Variants in MDGA2 observed in about 807,000 individuals in gnomAD.
The protein encoded by MDGA2 is MAM domain-containing glycosylphosphatidylinositol anchor protein 2.
Under a neutral mutation model 117.8 loss-of-function variants are expected in MDGA2, and 40 were observed. The observed-to-expected ratio is 0.34, with a 90% CI of 0.26 to 0.44. The LOEUF (loss-of-function observed/expected upper bound fraction) is 0.44. MDGA2 is among the 20% of genes least tolerant of loss of function. MDGA2 has a pLI of 1.00. For synonymous variants in MDGA2, 452 were observed against 439.0 expected, an observed-to-expected ratio of 1.03 and a Z score of -0.37; for missense variants, 1,123 against 1,250.6, an observed-to-expected ratio of 0.90 and a Z score of 1.54.
intron 1 of MDGA2, among the ~76,000 whole-genome samples, chr14:47,387,451 C>T (rs1891787709): frequency 6.6e-6 from 1 of 152,114 alleles, no homozygotes; most frequent in Non-Finnish European, 1.5e-5. Context: ...GTGTTTTTCT[C>T]TCTGTCCTCA....
intron 9 of MDGA2, among the ~76,000 whole-genome samples, chr14:46,939,171 T>C (rs1346933391): frequency 6.6e-6 from 1 of 151,992 alleles, no homozygotes; most frequent in African/African-American, 2.4e-5. Context: ...AAATTACAGA[T>C]AGGAGGGATA....
chr14:47,646,659 T>C (rs556472911), intron 1 of MDGA2, among the ~76,000 whole-genome samples: 3 of 152,348 alleles, frequency 2.0e-5, no homozygotes, highest in East Asian at 1.9e-4. Flanking sequence ...ACTTGCCCAA[T>C]CATGAGCATA....
intron 1 of MDGA2, among the ~76,000 whole-genome samples, chr14:47,456,074 T>A (rs1185087590): frequency 1.3e-5 from 2 of 151,926 alleles, no homozygotes; most frequent in Non-Finnish European, 2.9e-5. Flanking sequence ...GAATGGGCTG[T>A]GAAAAAAATA....
In MDGA2 at chr14:47,169,587, T is replaced by G. The variant is rs980243305; in HGVS notation, c.596-25313A>C. ...AATTGTCAACATGGAAATAAACTACTACTTACATATGACAAAAAGTTTAAT... is the reference window on the plus strand; with the variant it reads ...AATTGTCAACATGGAAATAAACTACGACTTACATATGACAAAAAGTTTAAT... On this transcript the variant is annotated intron_variant, in intron 3 of 16. Transcript: ENST00000399232. Among the ~76,000 whole-genome samples the G allele has an allele frequency of 4.0e-4, 61 of 151,954 alleles. 1 individual carries two copies. The highest frequency in any genetic ancestry group is 1.4e-3 in the African/African-American group (60 of 41,434).
At chr14:47,207,002 T>G (rs1385928162) in intron 3 of MDGA2, among the ~76,000 whole-genome samples, 1 of 152,028 alleles carries the variant, frequency 6.6e-6, no homozygotes, top group Non-Finnish European at 1.5e-5. Context: ...AAATGCACAT[T>G]TTAAAAGAGA....
intron 1 of MDGA2, among the ~76,000 whole-genome samples, chr14:47,454,787 AG>A (rs1893314674): frequency 6.6e-6 from 1 of 152,202 alleles, no homozygotes; most frequent in African/African-American, 2.4e-5. Context: ...ATTTTCTTTC[AG>A]GATGTCTGCA....
At chr14:47,567,634 G>A (rs963390477) in intron 1 of MDGA2, among the ~76,000 whole-genome samples, 1 of 152,144 alleles carries the variant, frequency 6.6e-6, no homozygotes, top group Admixed American at 6.5e-5. Flanking sequence ...CTCTTCTGGG[G>A]TAGCTGCTAT....
At chr14:47,642,551 C>T (rs924477100) in intron 1 of MDGA2, among the ~76,000 whole-genome samples, 1 of 152,012 alleles carries the variant, frequency 6.6e-6, no homozygotes, top group African/African-American at 2.4e-5. Context: ...TATTGCTTGG[C>T]AAACACTGCT....
chr14:47,638,964 T>G (rs1392340674), intron 1 of MDGA2, among the ~76,000 whole-genome samples: 1 of 152,150 alleles, frequency 6.6e-6, no homozygotes, highest in African/African-American at 2.4e-5. Context: ...TACCAGACAT[T>G]CACATACATT....
At chr14:47,579,893 T>C (rs185685079) in intron 1 of MDGA2, among the ~76,000 whole-genome samples, 3 of 152,204 alleles carry the variant, frequency 2.0e-5, no homozygotes, top group Non-Finnish European at 2.9e-5. Context: ...ACTAAAACTA[T>C]TGGATACCCA....
intron 7 of MDGA2, chr14:47,059,006 T>C: frequency 2.8e-5 from 28 of 997,410 alleles, no homozygotes; most frequent in Non-Finnish European, 3.3e-5. Context: ...TCTTTGGGAG[T>C]GATAAAACAT....
chr14:46,941,466 AG>A (rs1353866605), intron 9 of MDGA2, among the ~76,000 whole-genome samples: 1 of 152,098 alleles, frequency 6.6e-6, no homozygotes, highest in Non-Finnish European at 1.5e-5. Flanking sequence ...TCTTAGTTTC[AG>A]GCATGCCCTT....
chr14:47,458,917 C>A (rs1214631972), intron 1 of MDGA2, among the ~76,000 whole-genome samples: 4 of 150,050 alleles, frequency 2.7e-5, no homozygotes, highest in Non-Finnish European at 4.4e-5. Flanking sequence ...CAATTTCCAG[C>A]AATGGCCAGA....
chr14:47,572,292 G>T (rs575545721), intron 1 of MDGA2, among the ~76,000 whole-genome samples: 1 of 152,072 alleles, frequency 6.6e-6, no homozygotes, highest in Non-Finnish European at 1.5e-5. Flanking sequence ...TATAAAAGCC[G>T]CTTGTATATT....
At chr14:46,936,425 T>C (rs980171798) in intron 9 of MDGA2, among the ~76,000 whole-genome samples, 1 of 152,154 alleles carries the variant, frequency 6.6e-6, no homozygotes, top group Non-Finnish European at 1.5e-5. Flanking sequence ...TATTGGTACA[T>C]GTAGGGAGAT....
At chr14:46,948,658 C>T (rs935265379) in intron 9 of MDGA2, among the ~76,000 whole-genome samples, 3 of 151,982 alleles carry the variant, frequency 2.0e-5, no homozygotes, top group African/African-American at 7.2e-5. Context: ...TCCCTTCCAG[C>T]TCTGATTCTC....
intron 3 of MDGA2, among the ~76,000 whole-genome samples, chr14:47,186,655 G>A (rs1329509091): frequency 6.6e-6 from 1 of 151,910 alleles, no homozygotes; most frequent in East Asian, 1.9e-4. Context: ...AAGTAATTGA[G>A]CTGATTTTCA....
At chr14:47,439,927 A>G (rs1174113585) in intron 1 of MDGA2, among the ~76,000 whole-genome samples, 3 of 151,984 alleles carry the variant, frequency 2.0e-5, no homozygotes, top group Non-Finnish European at 4.4e-5. Context: ...AAGCAGACTT[A>G]CTTTTAGCCT....
At chr14:47,305,535 A>C (rs1454955704) in intron 1 of MDGA2, among the ~76,000 whole-genome samples, 1 of 152,348 alleles carries the variant, frequency 6.6e-6, no homozygotes, top group East Asian at 1.9e-4. Context: ...GTTAGAATAT[A>C]CTTTTGAAAG....
Sources: allele counts gnomAD v4.1 joint callset (sites outside exome capture counted in the v4.1 genomes callset), GRCh38; gene constraint gnomAD v4.1.1; transcripts MANE v1.5; gene names NCBI Gene and HGNC (gene_info 2026-07-23, HGNC 2026-07-21).